DGKB: variants seen among roughly 807,000 people sequenced by gnomAD.
DGKB encodes diacylglycerol kinase beta.
DGKB carries 67 observed loss-of-function variants against 114.3 expected under a neutral mutation model. That is an observed-to-expected ratio of 0.59 (90% CI 0.48 to 0.72). The LOEUF (loss-of-function observed/expected upper bound fraction) is 0.72. Among genes scored for constraint, DGKB ranks in the 30% least tolerant of loss-of-function variants. DGKB has a pLI of 0.00. For synonymous variants in DGKB, 398 were observed against 323.1 expected (o/e 1.23, Z -2.49); for missense variants, 907 against 975.2 (o/e 0.93, Z 0.93).
At chr7:14,636,386 G>A (rs913027147) in intron 13 of DGKB, among the ~76,000 whole-genome samples, 4 of 151,826 alleles carry the variant, frequency 2.6e-5, no homozygotes, top group Non-Finnish European at 4.4e-5. Context: ...CAATCAGTGT[G>A]AATTAATTAA....
At chr7:14,712,626 G>C (rs544803146) in intron 6 of DGKB, among the ~76,000 whole-genome samples, 1 of 151,884 alleles carries the variant, frequency 6.6e-6, no homozygotes, top group Admixed American at 6.6e-5. Context: ...AGCCAAGACT[G>C]TGCCACTGCA....
At chr7:14,389,721 T>C (rs1288758328) in intron 21 of DGKB, among the ~76,000 whole-genome samples, 1 of 152,202 alleles carries the variant, frequency 6.6e-6, no homozygotes, top group Non-Finnish European at 1.5e-5. Flanking sequence ...CTTCAGCTTT[T>C]CTCCGCCATT....
intron 25 of DGKB, among the ~76,000 whole-genome samples, chr7:14,163,062 T>C (rs1784133879): frequency 6.6e-6 from 1 of 152,192 alleles, no homozygotes; most frequent in African/African-American, 2.4e-5. Flanking sequence ...TTTAAATTAA[T>C]AGAGCTGTCA....
chr7:14,173,274 T>G (rs1012886834), intron 25 of DGKB, among the ~76,000 whole-genome samples: 1 of 152,214 alleles, frequency 6.6e-6, no homozygotes, highest in African/African-American at 2.4e-5. Flanking sequence ...AACTCAATAT[T>G]GGTGAAATTT....
intron 1 of DGKB, among the ~76,000 whole-genome samples, chr7:14,849,546 A>C (rs1013501453): frequency 6.6e-6 from 1 of 152,142 alleles, no homozygotes; most frequent in Admixed American, 6.6e-5. Flanking sequence ...CCAGCCTCCA[A>C]TACTGTTATA....
At chr7:14,715,606 T>C (rs1362474286) in intron 6 of DGKB, among the ~76,000 whole-genome samples, 3 of 152,104 alleles carry the variant, frequency 2.0e-5, no homozygotes, top group Non-Finnish European at 2.9e-5. Context: ...GATAGAGCCT[T>C]GGGACGGGAA....
intron 1 of DGKB, among the ~76,000 whole-genome samples, chr7:14,877,328 G>T (rs1853448603): frequency 6.6e-6 from 1 of 152,182 alleles, no homozygotes; most frequent in South Asian, 2.1e-4. Context: ...GGCTGAGGCT[G>T]GCGGATCACC....
At chr7:14,657,366 G>T (rs1473307703) in intron 13 of DGKB, among the ~76,000 whole-genome samples, 5 of 151,848 alleles carry the variant, frequency 3.3e-5, no homozygotes, top group Admixed American at 2.0e-4. Flanking sequence ...ATGGAAAAAT[G>T]AGGTTTCTTT....
chr7:14,901,760 G>C (rs1449074758), intron 1 of DGKB, among the ~76,000 whole-genome samples: 1 of 151,958 alleles, frequency 6.6e-6, no homozygotes, highest in African/African-American at 2.4e-5. Flanking sequence ...TGTTTATTTG[G>C]TCATTTGCTT....
Position 14,791,459 on chromosome 7 carries a change from T to C in DGKB, c.71-33728A>G, listed in dbSNP as rs190782736. On this transcript the variant is annotated intron_variant, in intron 2 of 25. Transcript: ENST00000402815. ...CTAGAAATTCAAGCACTATGTTGAA[T>C]TGAAAAAGGGATAATGGACATCTTT... Among the ~76,000 whole-genome samples the C allele has an allele frequency of 9.9e-5, 15 of 152,244 alleles. No individual in the cohort carries two copies. The East Asian group carries it at 2.9e-3, about 29-fold the overall frequency.
At chr7:14,687,158 A>T (rs979872514) in intron 9 of DGKB, among the ~76,000 whole-genome samples, 1 of 152,176 alleles carries the variant, frequency 6.6e-6, no homozygotes, top group African/African-American at 2.4e-5. Flanking sequence ...CTCAAACGTG[A>T]AGCTCCTGTT....
At chr7:14,378,213 T>C (rs1818809608) in intron 21 of DGKB, among the ~76,000 whole-genome samples, 1 of 152,196 alleles carries the variant, frequency 6.6e-6, no homozygotes, top group South Asian at 2.1e-4. Context: ...GGTCCCTTTT[T>C]TCTGCTACTA....
intron 19 of DGKB, among the ~76,000 whole-genome samples, chr7:14,580,374 C>G (rs1272166438): frequency 6.6e-6 from 1 of 152,068 alleles, no homozygotes; most frequent in African/African-American, 2.4e-5. Flanking sequence ...TTTTGTTTTT[C>G]TTTTGTCAAC....
intron 25 of DGKB, among the ~76,000 whole-genome samples, chr7:14,162,095 T>C (rs1783986538): frequency 6.6e-6 from 1 of 152,138 alleles, no homozygotes; most frequent in Non-Finnish European, 1.5e-5. Context: ...GAGCTTAGAA[T>C]GTGGTAGCCT....
chr7:14,698,013 G>T (rs981254849), intron 8 of DGKB, 82 bp downstream of exon 8: 1 of 748,652 alleles, frequency 1.3e-6, no homozygotes, highest in African/African-American at 1.9e-5. Flanking sequence ...AAGAAAGAAA[G>T]AAAGAGAAAG....
At chr7:14,674,786 T>A (rs975758068) in intron 12 of DGKB, among the ~76,000 whole-genome samples, 2 of 152,056 alleles carry the variant, frequency 1.3e-5, no homozygotes, top group Non-Finnish European at 2.9e-5. Flanking sequence ...TTCCAGGGAT[T>A]GCTGGCAACC....
chr7:14,795,988 A>T (rs1254609390), intron 2 of DGKB, among the ~76,000 whole-genome samples: 3 of 152,206 alleles, frequency 2.0e-5, no homozygotes, highest in Admixed American at 1.3e-4. Flanking sequence ...ATAAGACATC[A>T]GTTTGAAAAT....
At chr7:14,419,230 G>A (rs1826286581) in intron 21 of DGKB, among the ~76,000 whole-genome samples, 2 of 151,872 alleles carry the variant, frequency 1.3e-5, no homozygotes, top group Admixed American at 6.6e-5. Flanking sequence ...AAAAAGAAAA[G>A]GAGTGAGAAA....
intron 1 of DGKB, among the ~76,000 whole-genome samples, chr7:14,910,218 G>A (rs977246213): frequency 8.1e-5 from 12 of 148,792 alleles, no homozygotes; most frequent in Non-Finnish European, 1.5e-4. Flanking sequence ...TCCAGCCTAG[G>A]TGACAGAGCG....
Sources: allele counts gnomAD v4.1 joint callset (sites outside exome capture counted in the v4.1 genomes callset), GRCh38; gene constraint gnomAD v4.1.1; transcripts MANE v1.5; gene names NCBI Gene and HGNC (gene_info 2026-07-23, HGNC 2026-07-21).